The following LUZP2 variants were observed in gnomAD, a reference collection of about 807,000 sequenced individuals.
LUZP2 encodes the protein leucine zipper protein 2.
In LUZP2, 52 loss-of-function variants were observed where a neutral mutation model predicts 51.6. That is an observed-to-expected ratio of 1.01 (90% confidence interval 0.81 to 1.27). LUZP2 has a LOEUF of 1.27. Ranked by LOEUF, LUZP2 falls within the 50% of genes most tolerant of loss-of-function variation. The probability of loss-of-function intolerance (pLI) is 0.00; values close to 1 mark genes in which losing one functional copy is unlikely to be tolerated. For synonymous variants in LUZP2, 154 were observed against 137.3 expected (o/e 1.12, Z -0.85); for missense variants, 436 against 395.4 (o/e 1.10, Z -0.87).
chr11:24,869,157 A>G (rs934873453), intron 5 of LUZP2, among the ~76,000 whole-genome samples: 1 of 152,128 alleles, frequency 6.6e-6, no homozygotes, highest in Admixed American at 6.5e-5. Flanking sequence ...CTTGATACAT[A>G]CCATCAAAGC....
intron 1 of LUZP2, among the ~76,000 whole-genome samples, chr11:24,584,022 T>G (rs577195482): frequency 6.6e-6 from 1 of 152,212 alleles, no homozygotes; most frequent in South Asian, 2.1e-4. Context: ...TACCTTGCTT[T>G]TAAATTGTTT....
chr11:24,900,929 G>A (rs189676116), intron 5 of LUZP2, among the ~76,000 whole-genome samples: 7 of 152,196 alleles, frequency 4.6e-5, no homozygotes, highest in Admixed American at 4.6e-4. Context: ...TGAAGCCTCT[G>A]CTGTTTTGTA....
intron 9 of LUZP2, among the ~76,000 whole-genome samples, chr11:25,017,808 C>T (rs965062947): frequency 3.9e-5 from 6 of 151,958 alleles, no homozygotes; most frequent in Admixed American, 2.6e-4. Context: ...TTTTCCTAAT[C>T]GTGTGAAAAA....
rs574630676 is a variant in LUZP2 at position 24,924,685 on chromosome 11, G to T, written c.522+10147G>T. ...CTCAAGGTGGTTGAGCTACAGCTTG[G>T]TTTTATACATTTTAGGGAGATATAA... On this transcript the variant is annotated intron_variant, in intron 7 of 11. Transcript: ENST00000336930. 7.9e-5 allele frequency among the ~76,000 whole-genome samples: 12 copies of T among 152,248 alleles called. No homozygotes were observed. In the South Asian group the frequency reaches 2.3e-3, roughly 29 times the overall value.
At chr11:24,893,168 A>G (rs1278578865) in intron 5 of LUZP2, 1 of 152,194 alleles carries the variant, frequency 6.6e-6, no homozygotes, top group African/African-American at 2.4e-5. Context: ...CAATAACATA[A>G]TACTCATTAT....
intron 7 of LUZP2, among the ~76,000 whole-genome samples, chr11:24,972,296 A>G (rs1855763637): frequency 6.6e-6 from 1 of 152,060 alleles, no homozygotes; most frequent in African/African-American, 2.4e-5. Context: ...GACAAGTAAT[A>G]TAAACTGTAT....
rs1280928740 is a variant in LUZP2, at chr11:24,824,747, C to CT, written c.396+61444dup. On this transcript the variant is annotated intron_variant, in intron 5 of 11. Coordinates refer to ENST00000336930, the MANE Select transcript of LUZP2 (RefSeq NM_001009909.4). ...CTGTTTCTTAGAAATTAAAAATATG[C>CT]TTTTTCTGATATTTTAATGTGTGAG... Among the ~76,000 whole-genome samples the CT allele has an allele frequency of 1.4e-4, 21 of 151,890 alleles. 1 individual carries two copies. Among genetic ancestry groups the CT allele is most frequent in the Admixed American group, 1.4e-3 (21 of 15,258 alleles).
rs1254596747 is a variant in LUZP2, at chr11:24,652,302, T to C, written c.63-76867T>C. Among the ~76,000 whole-genome samples, 5 of 152,126 alleles carry C rather than the reference T, an allele frequency of 3.3e-5. No homozygotes were observed. In the South Asian group the frequency reaches 6.2e-4, roughly 19 times the overall value. On this transcript the variant is annotated intron_variant, in intron 1 of 11. Transcript: ENST00000336930. Reference sequence around the variant, plus strand: ...ACATCTCATTATTTTGTGGGAGCTATGACTACACATAGCTATAATTTAAGA... The same window carrying C: ...ACATCTCATTATTTTGTGGGAGCTACGACTACACATAGCTATAATTTAAGA...
intron 1 of LUZP2, among the ~76,000 whole-genome samples, chr11:24,700,174 G>T (rs1450039933): frequency 6.9e-6 from 1 of 144,618 alleles, no homozygotes; most frequent in Non-Finnish European, 1.5e-5. Flanking sequence ...CAAGTCTCTT[G>T]CCTCAGCCTC....
At chr11:25,027,496 T>C (rs1857526183) in intron 9 of LUZP2, among the ~76,000 whole-genome samples, 1 of 152,184 alleles carries the variant, frequency 6.6e-6, no homozygotes, top group East Asian at 1.9e-4. Context: ...ATATAAAATT[T>C]TAACTGAATC....
chr11:24,946,642 T>G (rs1333288819), intron 7 of LUZP2, among the ~76,000 whole-genome samples: 1 of 151,898 alleles, frequency 6.6e-6, no homozygotes, highest in African/African-American at 2.4e-5. Flanking sequence ...CTTTTTTTTC[T>G]AATATTTTTT....
intron 9 of LUZP2, among the ~76,000 whole-genome samples, chr11:25,029,468 TG>T (rs766542503): frequency 5.9e-5 from 9 of 152,288 alleles, no homozygotes; most frequent in South Asian, 4.2e-4. Flanking sequence ...CTGGGTGCAG[TG>T]GCTCACACCT....
intron 5 of LUZP2, among the ~76,000 whole-genome samples, chr11:24,860,814 A>AAAGACCC (rs1197510135): frequency 3.3e-5 from 5 of 152,202 alleles, no homozygotes; most frequent in African/African-American, 7.2e-5. Flanking sequence ...CAGCAGCCTC[A>AAAGACCC]AAGACCCAAG....
intron 7 of LUZP2, among the ~76,000 whole-genome samples, chr11:24,968,793 A>G (rs998376771): frequency 3.3e-5 from 5 of 152,198 alleles, no homozygotes; most frequent in African/African-American, 1.2e-4. Context: ...TACAGTGATC[A>G]TCTTGGGCCA....
At chr11:25,047,246 A>G (rs1220688482) in intron 9 of LUZP2, among the ~76,000 whole-genome samples, 1 of 152,082 alleles carries the variant, frequency 6.6e-6, no homozygotes, top group Non-Finnish European at 1.5e-5. Flanking sequence ...GTTTGTGGTT[A>G]TGGGAAGACA....
rs564357609 is a variant in LUZP2 at position 24,617,518 on chromosome 11, G to T, written c.63-111651G>T. 2.5e-4 allele frequency among the ~76,000 whole-genome samples: 38 copies of T among 152,218 alleles called. No homozygotes were observed. In the East Asian group the frequency reaches 6.6e-3, roughly 26 times the overall value. Reference sequence around the variant, plus strand: ...TGATTCTTAGTACGATAGTGATTTGGTATTAAAACTTGGATAGTTGGGCCG... The same window carrying T: ...TGATTCTTAGTACGATAGTGATTTGTTATTAAAACTTGGATAGTTGGGCCG... On this transcript the variant is annotated intron_variant, in intron 1 of 11. Transcript: ENST00000336930.
chr11:24,573,459 A>G (rs1852504872), intron 1 of LUZP2, among the ~76,000 whole-genome samples: 1 of 150,474 alleles, frequency 6.6e-6, no homozygotes, highest in African/African-American at 2.4e-5. Context: ...CTTTTAAAAA[A>G]TGCATTTAAA....
At position 24,932,777 on chromosome 11, in the gene LUZP2, C is replaced by T. The variant is rs115763791; in HGVS notation, c.522+18239C>T. On this transcript the variant is annotated intron_variant, in intron 7 of 11. Transcript: ENST00000336930. Reference sequence around the variant, plus strand: ...TCAGGTTTCACGCCTCCCTGCCTGCCGCAGCTTCTGTGTAGTGGCTGCACC... The same window carrying T: ...TCAGGTTTCACGCCTCCCTGCCTGCTGCAGCTTCTGTGTAGTGGCTGCACC... Among the ~76,000 whole-genome samples, 489 of 152,280 alleles carry T rather than the reference C, an allele frequency of 3.2e-3. 3 individuals carry two copies. Among genetic ancestry groups the T allele is most frequent in the African/African-American group, 0.011 (448 of 41,562 alleles).
At chr11:24,866,070 A>C in intron 5 of LUZP2, among the ~76,000 whole-genome samples, 1 of 149,798 alleles carries the variant, frequency 6.7e-6, no homozygotes. Context: ...CAGCCTCCCA[A>C]AGTGCTGAGA....
Sources: allele counts gnomAD v4.1 joint callset (sites outside exome capture counted in the v4.1 genomes callset), GRCh38; gene constraint gnomAD v4.1.1; transcripts MANE v1.5; gene names NCBI Gene and HGNC (gene_info 2026-07-23, HGNC 2026-07-21).